Variants in NOSIP observed in about 807,000 individuals in gnomAD.
The protein encoded by NOSIP is nitric oxide synthase interacting protein.
A neutral mutation model predicts 36.4 loss-of-function variants in NOSIP; 25 were observed. The observed-to-expected ratio is 0.69, with a 90% CI of 0.50 to 0.96. NOSIP has a LOEUF of 0.96. NOSIP is among the 40% of genes least tolerant of loss of function. The pLI is 0.00. For missense variants in NOSIP, 370 were observed against 429.0 expected, an observed-to-expected ratio of 0.86 and a Z score of 1.21; for synonymous variants, 187 against 179.2, an observed-to-expected ratio of 1.04 and a Z score of -0.35.
At chr19:49,577,330 G>A (rs1263287060) in intron 1 of NOSIP, among the ~76,000 whole-genome samples, 1 of 151,600 alleles carries the variant, frequency 6.6e-6, no homozygotes, top group African/African-American at 2.4e-5. Flanking sequence ...AGGCCAAAGC[G>A]GGCGGATCAT....
At chr19:49,577,526 C>A (rs2080568987) in intron 1 of NOSIP, among the ~76,000 whole-genome samples, 1 of 151,366 alleles carries the variant, frequency 6.6e-6, no homozygotes, top group Non-Finnish European at 1.5e-5. Context: ...GGTGACAGAG[C>A]AAGACTCTGT....
At chr19:49,574,894 G>A (rs572318868) in intron 1 of NOSIP, among the ~76,000 whole-genome samples, 29 of 137,204 alleles carry the variant, frequency 2.1e-4, no homozygotes, top group South Asian at 9.2e-4. Context: ...ACGGAGTTTC[G>A]CTCTGTCACC....
Position 49,566,985 on chromosome 19 carries a change from G to T in NOSIP, c.-1-6293C>A, listed in dbSNP as rs1599757497. ...CGCGCACCACCATGCCCAGCTAATT[G>T]TTGTATTTTTAGTAGAGATGGGGTT... On this transcript the variant is annotated intron_variant, in intron 1 of 8. Coordinates refer to ENST00000596358, the MANE Select transcript of NOSIP (RefSeq NM_001270960.2). Among the ~76,000 whole-genome samples the T allele has an allele frequency of 3.3e-5, 5 of 149,904 alleles. No individual in the cohort carries two copies. In the South Asian group the frequency reaches 1.1e-3, roughly 32 times the overall value.
At chr19:49,572,142 A>G (rs1315415096) in intron 1 of NOSIP, among the ~76,000 whole-genome samples, 5 of 134,230 alleles carry the variant, frequency 3.7e-5, no homozygotes, top group African/African-American at 1.4e-4. Flanking sequence ...TTTCGCTTTT[A>G]TCACCTAGGG....
Position 49,556,898 on chromosome 19 carries a change from T to C in NOSIP, c.514A>G (p.Lys172Glu). The change falls in exon 6 of 9, where the codon AAG becomes GAG. Residue 172 changes from lysine (K) to glutamate (E), a missense_variant. This residue lies in a region of NOSIP where 315 missense variants were observed against 331.9 expected (regional missense o/e 0.95). Transcript: ENST00000596358. ...ACCGGCTTCTCCAGCTTGGTGGCCT[T>C]GGCTTCGGGCGTCAGCGACGGGATC... ...FWIPSLTPEAKATKLEKPSRT... is the reference protein window; with the variant it reads ...FWIPSLTPEAEATKLEKPSRT... 1 of 1,613,424 alleles carries C rather than the reference T, an allele frequency of 6.2e-7. No individual in the cohort carries two copies. The highest frequency in any genetic ancestry group is 8.5e-7 in the Non-Finnish European group (1 of 1,179,690).
At chr19:49,575,917 G>T (rs905220110) in intron 1 of NOSIP, among the ~76,000 whole-genome samples, 5 of 152,054 alleles carry the variant, frequency 3.3e-5, no homozygotes, top group African/African-American at 1.2e-4. Context: ...AGATCGTGAG[G>T]TCAGGAGATT....
At chr19:49,564,386 G>A (rs1315107967) in intron 1 of NOSIP, among the ~76,000 whole-genome samples, 4 of 150,548 alleles carry the variant, frequency 2.7e-5, no homozygotes, top group South Asian at 2.1e-4. Context: ...CCTGGGAGGC[G>A]GAGGTTGCAG....
At chr19:49,574,643 GT>G (rs1405503066) in intron 1 of NOSIP, among the ~76,000 whole-genome samples, 2 of 152,144 alleles carry the variant, frequency 1.3e-5, no homozygotes, top group Non-Finnish European at 2.9e-5. Flanking sequence ...TACCAGCATT[GT>G]GGGGTTCTGG....
chr19:49,576,836 A>G (rs1227964433), intron 1 of NOSIP, among the ~76,000 whole-genome samples: 1 of 148,578 alleles, frequency 6.7e-6, no homozygotes, highest in Non-Finnish European at 1.5e-5. Flanking sequence ...ATGAGCCAAG[A>G]TCGCACCATT....
intron 1 of NOSIP, among the ~76,000 whole-genome samples, chr19:49,578,652 CTT>C (rs771109884): frequency 3.5e-5 from 5 of 144,784 alleles, no homozygotes; most frequent in Non-Finnish European, 3.1e-5. Context: ...TCTATTTTTT[CTT>C]TTTTTTTTTT....
chr19:49,566,525 TC>T (rs751223804), intron 1 of NOSIP: 1 of 152,106 alleles, frequency 6.6e-6, no homozygotes, highest in Non-Finnish European at 1.5e-5. Context: ...GGTCTTGAAC[TC>T]CTGGGCTCAA....
intron 7 of NOSIP, 51 bp downstream of exon 7, chr19:49,556,498 C>G (rs2080248619): frequency 6.2e-7 from 1 of 1,607,754 alleles, no homozygotes; most frequent in African/African-American, 1.3e-5. Flanking sequence ...AAAGCCGGAC[C>G]GCCCCGCAGG....
At chr19:49,574,733 G>A (rs1394920223) in intron 1 of NOSIP, among the ~76,000 whole-genome samples, 11 of 152,074 alleles carry the variant, frequency 7.2e-5, no homozygotes. Context: ...TCTGTTTTTT[G>A]GGAGGAGTCT....
At chr19:49,556,255 G>T (rs1481639887) in intron 8 of NOSIP, 62 bp downstream of exon 8, 6 of 988,900 alleles carry the variant, frequency 6.1e-6, no homozygotes, top group African/African-American at 3.7e-5. Flanking sequence ...AGCCTTGGAG[G>T]GGGTGAAGGG....
In NOSIP at chr19:49,558,165, G is replaced by A. The variant is rs189908122; in HGVS notation, c.258+732C>T. ...TCCCAGGTGCCCTGCTGTGTCCTCT[G>A]ATTTGGCCGTCAGCCCGTTTTACAG... On this transcript the variant is annotated intron_variant, in intron 4 of 8. Coordinates refer to ENST00000596358, the MANE Select transcript of NOSIP (RefSeq NM_001270960.2). 2.9e-3 allele frequency: 456 copies of A among 158,426 alleles called. 4 individuals carry two copies. The highest frequency in any genetic ancestry group is 0.016 in the Middle Eastern group (5 of 308). The allele number at this position is 158,426 out of a possible 1,614,324, so 9.8% of individuals were successfully genotyped here. A position where few individuals can be genotyped will look rare whatever the true frequency, so the allele number is the denominator to read the frequency against.
At chr19:49,565,152 T>C (rs1260027419) in intron 1 of NOSIP, among the ~76,000 whole-genome samples, 1 of 151,998 alleles carries the variant, frequency 6.6e-6, no homozygotes, top group Non-Finnish European at 1.5e-5. Context: ...GGTGCATGCC[T>C]GTAGTCGCAG....
intron 4 of NOSIP, chr19:49,558,266 T>G (rs1459292282): frequency 1.4e-5 from 2 of 145,970 alleles, no homozygotes; most frequent in African/African-American, 2.6e-5. Flanking sequence ...TTTTTTTTTT[T>G]GAAACAGAAT....
At chr19:49,557,654 C>G (rs2080272634) in intron 4 of NOSIP, 2 of 1,034,132 alleles carry the variant, frequency 1.9e-6, no homozygotes, top group Non-Finnish European at 2.3e-6. Flanking sequence ...GTTTTCTATA[C>G]AGTGCATGCC....
chr19:49,559,069 G>A (rs1376708742), intron 3 of NOSIP, 91 bp from the exon 4 acceptor site: 1 of 989,834 alleles, frequency 1.0e-6, no homozygotes, highest in East Asian at 2.4e-5. Context: ...AAGTCATCAT[G>A]ATCAGTCCCA....
Sources: allele counts gnomAD v4.1 joint callset (sites outside exome capture counted in the v4.1 genomes callset), GRCh38; gene constraint gnomAD v4.1.1; regional missense constraint gnomAD v4.1.1; transcripts MANE v1.5; gene names NCBI Gene and HGNC (gene_info 2026-07-23, HGNC 2026-07-21).